CDC20B: variants seen among roughly 807,000 people sequenced by gnomAD.
The protein encoded by CDC20B is cell division cycle 20B, also known as cell division cycle protein 20 homolog B.
In CDC20B, 58 loss-of-function variants were observed where a neutral mutation model predicts 64.1. The observed-to-expected ratio is 0.90, with a 90% CI of 0.73 to 1.13. The LOEUF (loss-of-function observed/expected upper bound fraction) is 1.13. CDC20B is among the 50% of genes most tolerant of loss of function. The probability of loss-of-function intolerance (pLI) is 0.00; values close to 1 mark genes in which losing one functional copy is unlikely to be tolerated. For missense variants in CDC20B, 597 were observed against 633.0 expected (o/e 0.94, Z 0.61); for synonymous variants, 243 against 230.6 (o/e 1.05, Z -0.49).
intron 2 of CDC20B, among the ~76,000 whole-genome samples, chr5:55,170,289 T>C (rs1308228456): frequency 6.6e-6 from 1 of 152,082 alleles, no homozygotes; most frequent in Non-Finnish European, 1.5e-5. Context: ...CTCCAAAGAC[T>C]CCAAAAATAT....
intron 2 of CDC20B, among the ~76,000 whole-genome samples, chr5:55,155,515 C>T (rs979693409): frequency 6.6e-6 from 1 of 152,132 alleles, no homozygotes; most frequent in Non-Finnish European, 1.5e-5. Flanking sequence ...CACCACCAGC[C>T]CAATGCAGCA....
intron 11 of CDC20B, among the ~76,000 whole-genome samples, chr5:55,117,442 CT>C (rs1429042812): frequency 1.3e-5 from 2 of 152,138 alleles, no homozygotes; most frequent in African/African-American, 4.8e-5. Flanking sequence ...TCATAAAATA[CT>C]ACTTAATTTT....
intron 7 of CDC20B, among the ~76,000 whole-genome samples, chr5:55,127,937 A>G (rs769820737): frequency 3.3e-5 from 5 of 152,184 alleles, no homozygotes; most frequent in Admixed American, 2.0e-4. Flanking sequence ...TCATTTGCAC[A>G]TGAGTGATAT....
chr5:55,157,027 T>G (rs12653221), intron 2 of CDC20B, among the ~76,000 whole-genome samples: 19,678 of 152,188 alleles, frequency 0.13, 1,362 homozygotes, highest in East Asian at 0.25. Flanking sequence ...ACCTTATTTG[T>G]ATCCTTTCCA....
intron 2 of CDC20B, among the ~76,000 whole-genome samples, chr5:55,153,748 G>A (rs1424450673): frequency 6.6e-6 from 1 of 152,176 alleles, no homozygotes; most frequent in Non-Finnish European, 1.5e-5. Flanking sequence ...ATAGAATTCA[G>A]AATAAAGTCT....
chr5:55,161,012 G>T, intron 2 of CDC20B: 1 of 1,612,848 alleles, frequency 6.2e-7, no homozygotes, highest in Non-Finnish European at 8.5e-7. Context: ...AGTTGTAAAC[G>T]TGGCCAGTGA....
Position 55,146,754 on chromosome 5 carries a change from A to G in CDC20B, c.229T>C (p.Trp77Arg). Residue 77 changes from tryptophan to arginine, a missense_variant, in exon 3 of 12, where the codon TGG (tryptophan) becomes CGG (arginine). This residue lies in a region of CDC20B where 241 missense variants were observed against 219.2 expected (regional missense o/e 1.10). Coordinates refer to ENST00000381375, the MANE Select transcript of CDC20B (RefSeq NM_001170402.1). ...AGAGCCCTAGTTTGACTTTGCTGCC[A>G]CCTTGTGGTAATGGGGCTACTCGCA... ...PVASSPITTR[W>R]QQSQTRALSS... 1.2e-6 allele frequency: 2 copies of G among 1,614,094 alleles called. No individual in the cohort carries two copies. The highest frequency in any genetic ancestry group is 1.7e-6 in the Non-Finnish European group (2 of 1,180,012).
chr5:55,128,281 G>C (rs577126732), intron 7 of CDC20B, 140 bp downstream of exon 7: 3 of 512,532 alleles, frequency 5.9e-6, no homozygotes, highest in Non-Finnish European at 9.5e-6. Context: ...AAAAAAAAGC[G>C]GAATGTCATC....
chr5:55,171,083 G>A (rs535365428), intron 2 of CDC20B, among the ~76,000 whole-genome samples: 3 of 152,338 alleles, frequency 2.0e-5, no homozygotes, highest in South Asian at 2.1e-4. Flanking sequence ...GGAGGCCAAG[G>A]TTGGCTGATC....
At position 55,123,197 on chromosome 5, in the gene CDC20B, AATATCTACAATATATATC is replaced by A. The variant is rs1742798661; in HGVS notation, c.1215+1588_1215+1605del. Among the ~76,000 whole-genome samples the A allele has an allele frequency of 3.3e-5, 5 of 152,228 alleles. No individual in the cohort carries two copies. The South Asian group carries it at 1.0e-3, about 32-fold the overall frequency. On this transcript the variant is annotated intron_variant, in intron 9 of 11. Coordinates refer to ENST00000381375, the MANE Select transcript of CDC20B (RefSeq NM_001170402.1). ...AATGTAATGTTTTCAGTCAAAATAAAATATCTACAATATATATCATAAGTTAAAGTTCCCTGCTTTAAT... is the reference window on the plus strand; with the variant it reads ...AATGTAATGTTTTCAGTCAAAATAAAATAAGTTAAAGTTCCCTGCTTTAAT...
intron 2 of CDC20B, among the ~76,000 whole-genome samples, chr5:55,167,961 G>T (rs182295606): frequency 6.6e-6 from 1 of 152,158 alleles, no homozygotes; most frequent in Non-Finnish European, 1.5e-5. Flanking sequence ...AAGCCCAGGA[G>T]GTAGAGGCTG....
chr5:55,128,275 A>G (rs2111826041), intron 7 of CDC20B, 146 bp downstream of exon 7: 1 of 562,292 alleles, frequency 1.8e-6, no homozygotes, highest in Non-Finnish European at 2.9e-6. Flanking sequence ...AAAAAAAAAA[A>G]AAAGCGGAAT....
intron 4 of CDC20B, among the ~76,000 whole-genome samples, chr5:55,141,883 T>C (rs1390311922): frequency 6.6e-6 from 1 of 152,106 alleles, no homozygotes; most frequent in Non-Finnish European, 1.5e-5. Context: ...CACAAGATGC[T>C]CTCCCCCTGA....
Position 55,124,866 on chromosome 5 carries a change from G to A in CDC20B, c.1152C>T (p.His384=), listed in dbSNP as rs763435648. The change falls in exon 9 of 12, where the codon CAC becomes CAT. Residue 384 remains histidine (H), a synonymous_variant. Coordinates refer to ENST00000381375, the MANE Select transcript of CDC20B (RefSeq NM_001170402.1). ...GGCCCTGTGCACTGGCACCTGGATC[G>A]TGGGGCCATATTGTCAGCAGTCCAT... ...CSDGLLTIWP[H]DPGASAQGQP... The A allele has an allele frequency of 1.5e-5, 24 of 1,613,996 alleles. No individual in the cohort carries two copies. Among genetic ancestry groups the A allele is most frequent in the Non-Finnish European group, 1.9e-5 (23 of 1,180,028 alleles).
At chr5:55,117,668 C>T (rs1481009594) in intron 11 of CDC20B, among the ~76,000 whole-genome samples, 1 of 152,146 alleles carries the variant, frequency 6.6e-6, no homozygotes, top group Non-Finnish European at 1.5e-5. Flanking sequence ...GGGGACACAG[C>T]AGTGCTCCCT....
At position 55,143,739 on chromosome 5, in the gene CDC20B, A is replaced by G. The variant is rs1743395601; in HGVS notation, c.356-96T>C. 2.4e-6 allele frequency: 3 copies of G among 1,248,996 alleles called. No individual in the cohort carries two copies. In the South Asian group the frequency reaches 4.6e-5, roughly 19 times the overall value. 77.4% of individuals were successfully genotyped at this position (1,248,996 alleles called of 1,614,324 possible). A position where few individuals can be genotyped will look rare whatever the true frequency, so the allele number is the denominator to read the frequency against. On this transcript the variant is annotated intron_variant, in intron 3 of 11. Transcript: ENST00000381375. ...TGTGGCATCTTTCACAGAAGGACAG[A>G]GTGAAAAAGCCCAGGCTCTCGTCAC...
At chr5:55,115,199 C>T (rs1411679564) in intron 11 of CDC20B, among the ~76,000 whole-genome samples, 3 of 152,204 alleles carry the variant, frequency 2.0e-5, no homozygotes, top group African/African-American at 7.2e-5. Flanking sequence ...GATAATACTT[C>T]TCCTTCTGTT....
In CDC20B at chr5:55,143,592, C is replaced by T. The variant is rs1217479600; in HGVS notation, c.407G>A (p.Ser136Asn). The change falls in exon 4 of 12, where the codon AGT (serine) becomes AAT (asparagine). Residue 136 changes from serine to asparagine, a missense_variant. Ser to Asn is a conservative substitution (Grantham distance 46, BLOSUM62 1). Around this residue, in one of 3 missense-constraint regions of CDC20B, gnomAD observed 241 missense variants for 219.2 expected, o/e 1.10. Coordinates refer to ENST00000381375, the MANE Select transcript of CDC20B (RefSeq NM_001170402.1). ...KTPSKGISET[S>N]NSALHFCKAP... ...CTTGCAAAAATGGAGAGCAGAGTTA[C>T]TTGTTTCAGAAATTCCTTTGCTGGG... The T allele has an allele frequency of 6.2e-7, 1 of 1,609,622 alleles. No homozygotes were observed. Among genetic ancestry groups the T allele is most frequent in the East Asian group, 2.2e-5 (1 of 44,770 alleles).
At position 55,172,968 on chromosome 5, in the gene CDC20B, C is replaced by G; in HGVS notation, c.33G>C (p.Arg11=). 1 of 1,612,050 alleles carries G rather than the reference C, an allele frequency of 6.2e-7. No homozygotes were observed. ...GCATCTCCTCTTCCGTGCGGACCCT[C>G]CGAGGCGCGGTGCGCTCCAGTTTCC... is the stretch of plus-strand genomic sequence containing the variant. The part of the protein sequence containing the change: MEWKLERTAP[R]RVRTEEEMLW... The change falls in exon 1 of 12, where the codon CGG becomes CGC. Residue 11 remains arginine, a synonymous_variant. Coordinates refer to ENST00000381375, the MANE Select transcript of CDC20B (RefSeq NM_001170402.1).
Sources: gnomAD v4.1 joint callset for allele counts (sites outside exome capture counted in the v4.1 genomes callset) on GRCh38, gnomAD v4.1.1 for gene constraint, gnomAD v4.1.1 regional missense constraint, MANE v1.5 for transcripts, NCBI Gene and HGNC (gene_info 2026-07-23, HGNC 2026-07-21) for gene names.